PRKN: variants seen among roughly 807,000 people sequenced by gnomAD.
The protein encoded by PRKN is E3 ubiquitin-protein ligase parkin.
In PRKN, 56 loss-of-function variants were observed where a neutral mutation model predicts 59.5. The ratio of observed to expected loss-of-function variants is 0.94; its 90% CI spans 0.76 to 1.18. The LOEUF (loss-of-function observed/expected upper bound fraction) is 1.18. PRKN is among the 50% of genes most tolerant of loss of function. The pLI, the probability that PRKN is intolerant of heterozygous loss-of-function variation, is 0.00. For missense variants in PRKN, 657 were observed against 596.4 expected (o/e 1.10, Z -1.06); for synonymous variants, 250 against 222.1 (o/e 1.13, Z -1.12).
chr6:162,292,045 C>T (rs1306915894), intron 2 of PRKN, among the ~76,000 whole-genome samples: 2 of 151,576 alleles, frequency 1.3e-5, no homozygotes, highest in Non-Finnish European at 1.5e-5. Flanking sequence ...CTCACTGCCA[C>T]CTCTGCCTCC....
In PRKN at chr6:161,393,240, G is replaced by A. The variant is rs1425350496; in HGVS notation, c.1084-6363C>T. On this transcript the variant is annotated intron_variant, in intron 9 of 11. Transcript: ENST00000366898. This position sits in a 1 kb window ranked among gnomAD's most constrained non-coding sequence, Gnocchi z 4.7. ...GATGTTTAACAAGTGGTAAGAGTCT[G>A]TAGAAAAATAAGAGGGTAGTAAGCG... Among the ~76,000 whole-genome samples, 1 of 152,146 alleles carries A rather than the reference G, an allele frequency of 6.6e-6. No homozygotes were observed. The highest frequency in any genetic ancestry group is 1.5e-5 in the Non-Finnish European group (1 of 68,028).
intron 9 of PRKN, among the ~76,000 whole-genome samples, chr6:161,515,890 C>A: frequency 6.6e-6 from 1 of 152,170 alleles, no homozygotes; most frequent in Admixed American, 6.5e-5. Context: ...GCTTTTCACA[C>A]ATGCACTGAA....
intron 7 of PRKN, among the ~76,000 whole-genome samples, chr6:161,706,749 G>A (rs1298388117): frequency 6.6e-6 from 1 of 151,968 alleles, no homozygotes; most frequent in Non-Finnish European, 1.5e-5. Context: ...GTAGGGATGG[G>A]GTTTTGCCAT....
intron 5 of PRKN, among the ~76,000 whole-genome samples, chr6:162,021,176 T>C: frequency 1.7e-5 from 1 of 59,910 alleles, no homozygotes; most frequent in Admixed American, 2.5e-4. Flanking sequence ...AAAATATATG[T>C]GTATATATAT....
chr6:162,625,342 T>C (rs1782840504), intron 1 of PRKN, among the ~76,000 whole-genome samples: 1 of 152,182 alleles, frequency 6.6e-6, no homozygotes, highest in Non-Finnish European at 1.5e-5. Flanking sequence ...CTGATGTCTA[T>C]CTAGTGTAGG....
Position 161,835,270 on chromosome 6 carries a change from G to C in PRKN, c.735-49362C>G, listed in dbSNP as rs551854026. On this transcript the variant is annotated intron_variant, in intron 6 of 11. Coordinates refer to ENST00000366898, the MANE Select transcript of PRKN (RefSeq NM_004562.3). ...ATGCTGTGACTGTCACCAATCCATG[G>C]GGCAAAAGGGAACTGACTTGAGCGT... Among the ~76,000 whole-genome samples the C allele has an allele frequency of 5.3e-5, 8 of 152,174 alleles. No homozygotes were observed. The East Asian group carries it at 1.6e-3, about 30-fold the overall frequency.
At chr6:161,512,925 A>G (rs1190053366) in intron 9 of PRKN, among the ~76,000 whole-genome samples, 1 of 152,142 alleles carries the variant, frequency 6.6e-6, no homozygotes, top group East Asian at 1.9e-4. Flanking sequence ...TTCCATAACA[A>G]TATGGTTTCA....
chr6:161,999,324 C>T (rs767101034), intron 5 of PRKN, among the ~76,000 whole-genome samples: 4 of 152,036 alleles, frequency 2.6e-5, no homozygotes, highest in African/African-American at 7.2e-5. Context: ...GAAGTGAACT[C>T]CTCTTGTGCC....
chr6:161,840,744 T>C (rs1273368129), intron 6 of PRKN, among the ~76,000 whole-genome samples: 1 of 152,134 alleles, frequency 6.6e-6, no homozygotes, highest in Non-Finnish European at 1.5e-5. Context: ...CTAAGGATAA[T>C]GGCCTCCAGC....
At position 161,355,773 on chromosome 6, in the gene PRKN, G is replaced by C. The variant is rs529618575; in HGVS notation, c.1285+4315C>G. On this transcript the variant is annotated intron_variant, in intron 11 of 11. Transcript: ENST00000366898. This position sits in a 1 kb window ranked among gnomAD's most constrained non-coding sequence, Gnocchi z 6.8. Reference sequence around the variant, plus strand: ...TCTCTTCTGGGATTGGAGCCTAGACGGTCAAGGTCCCTGATCTCACCGGCT... The same window carrying C: ...TCTCTTCTGGGATTGGAGCCTAGACCGTCAAGGTCCCTGATCTCACCGGCT... 2.6e-5 allele frequency among the ~76,000 whole-genome samples: 4 copies of C among 152,304 alleles called. 1 individual carries two copies. Among genetic ancestry groups the C allele is most frequent in the Admixed American group, 2.6e-4 (4 of 15,294 alleles).
At chr6:161,827,004 T>C (rs549232054) in intron 6 of PRKN, among the ~76,000 whole-genome samples, 4 of 152,252 alleles carry the variant, frequency 2.6e-5, no homozygotes, top group African/African-American at 9.6e-5. Context: ...CTCTTCACAA[T>C]GGGGAGGCTT....
intron 6 of PRKN, among the ~76,000 whole-genome samples, chr6:161,857,949 C>A (rs1177092648): frequency 6.6e-6 from 1 of 152,168 alleles, no homozygotes; most frequent in East Asian, 1.9e-4. Context: ...GTTGTAGCAT[C>A]CAATTATCAC....
At chr6:162,291,901 G>A (rs1006147127) in intron 2 of PRKN, among the ~76,000 whole-genome samples, 2 of 151,544 alleles carry the variant, frequency 1.3e-5, no homozygotes, top group Non-Finnish European at 2.9e-5. Context: ...TTTTCTAAGT[G>A]AGCAGCCACT....
intron 1 of PRKN, among the ~76,000 whole-genome samples, chr6:162,550,130 G>C (rs1020026498): frequency 3.9e-5 from 6 of 152,178 alleles, no homozygotes; most frequent in Admixed American, 3.3e-4. Context: ...TTACTCCAGT[G>C]ATCAAGGTAG....
intron 6 of PRKN, among the ~76,000 whole-genome samples, chr6:161,882,062 G>C (rs1395450115): frequency 6.6e-6 from 1 of 152,114 alleles, no homozygotes; most frequent in South Asian, 2.1e-4. Flanking sequence ...GCTATATAGA[G>C]CCTTGGTAAT....
At chr6:162,096,873 TTTTTTTG>T (rs1779761450) in intron 4 of PRKN, among the ~76,000 whole-genome samples, 1 of 134,918 alleles carries the variant, frequency 7.4e-6, no homozygotes, top group Non-Finnish European at 1.6e-5. Flanking sequence ...TTTTTTTTTT[TTTTTTTG>T]AGATGGAGTC....
rs552751914 is a variant in PRKN, at chr6:161,358,571, C to T, written c.1285+1517G>A. Among the ~76,000 whole-genome samples the T allele has an allele frequency of 7.2e-5, 11 of 152,082 alleles. No homozygotes were observed. The South Asian group carries it at 1.5e-3, about 20-fold the overall frequency. On this transcript the variant is annotated intron_variant, in intron 11 of 11. Coordinates refer to ENST00000366898, the MANE Select transcript of PRKN (RefSeq NM_004562.3). ...TGGAGGTTGCAGTGAACCGAGATTA[C>T]GCCATTGCACCCCAGCCTGGGCTAC...
chr6:161,748,616 G>C (rs1313728464), intron 7 of PRKN, among the ~76,000 whole-genome samples: 1 of 152,094 alleles, frequency 6.6e-6, no homozygotes. Flanking sequence ...TCTCATCTTG[G>C]TCCAGGCAAG....
At chr6:162,319,626 C>T (rs1562667156) in intron 2 of PRKN, among the ~76,000 whole-genome samples, 1 of 151,816 alleles carries the variant, frequency 6.6e-6, no homozygotes, top group African/African-American at 2.4e-5. Context: ...CCTAACAAAC[C>T]AATAAGGAAA....
Sources: allele counts gnomAD v4.1 joint callset (sites outside exome capture counted in the v4.1 genomes callset), GRCh38; gene constraint gnomAD v4.1.1; non-coding constraint Gnocchi (gnomAD v3.1); transcripts MANE v1.5; gene names NCBI Gene and HGNC (gene_info 2026-07-23, HGNC 2026-07-21).